PACRG: variants seen among roughly 807,000 people sequenced by gnomAD.
PACRG encodes the protein parkin coregulated gene protein.
PACRG carries 29 observed loss-of-function variants against 29.7 expected under a neutral mutation model. The ratio of observed to expected loss-of-function variants is 0.98; its 90% CI spans 0.73 to 1.33. The LOEUF is 1.33. Ranked by LOEUF, PACRG falls within the 40% of genes most tolerant of loss-of-function variation. The pLI is 0.00. For missense variants in PACRG, 279 were observed against 316.2 expected (o/e 0.88, Z 0.89); for synonymous variants, 116 against 118.7 (o/e 0.98, Z 0.15).
chr6:162,853,862 A>T lies in PACRG; in HGVS notation c.291+39581A>T, dbSNP rs1791134351. On this transcript the variant is annotated intron_variant, in intron 2 of 4. Transcript: ENST00000366888. This position sits in a 1 kb window ranked among gnomAD's most constrained non-coding sequence, Gnocchi z 4.7. Reference sequence around the variant, plus strand: ...TTGTTTGTATCTATGTATCTACCTCATAGGGTTGTCATTTATTATAAAGAT... The same window carrying T: ...TTGTTTGTATCTATGTATCTACCTCTTAGGGTTGTCATTTATTATAAAGAT... 6.6e-6 allele frequency among the ~76,000 whole-genome samples: 1 copy of T among 152,132 alleles called. No homozygotes were observed. Among genetic ancestry groups the T allele is most frequent in the Non-Finnish European group, 1.5e-5 (1 of 68,014 alleles).
chr6:162,747,371 CATATATATGTATATATATGTAT>C (rs1222325628), intron 1 of PACRG, among the ~76,000 whole-genome samples: 2 of 41,810 alleles, frequency 4.8e-5, no homozygotes, highest in East Asian at 7.0e-4. Context: ...TATACACATA[CATATATATGTATATATATGTAT>C]ATATATATGT....
chr6:162,911,371 T>C (rs1584734960), intron 2 of PACRG, among the ~76,000 whole-genome samples: 1 of 152,338 alleles, frequency 6.6e-6, no homozygotes, highest in African/African-American at 2.4e-5. Flanking sequence ...ACTCAGACTT[T>C]AGAAACTATG....
At chr6:163,138,725 A>G (rs952285977) in intron 4 of PACRG, among the ~76,000 whole-genome samples, 2 of 152,178 alleles carry the variant, frequency 1.3e-5, no homozygotes, top group African/African-American at 4.8e-5. Context: ...CCACTCTGTG[A>G]CCTGGGGGTT....
At chr6:163,087,738 T>C (rs1238060033) in intron 3 of PACRG, among the ~76,000 whole-genome samples, 1 of 148,664 alleles carries the variant, frequency 6.7e-6, no homozygotes, top group African/African-American at 2.5e-5. Context: ...AGGGTGAGGA[T>C]AGAGACTGAC....
At chr6:163,265,679 A>T (rs1042086392) in intron 4 of PACRG, among the ~76,000 whole-genome samples, 4 of 152,206 alleles carry the variant, frequency 2.6e-5, no homozygotes, top group African/African-American at 9.6e-5. Flanking sequence ...GAAATAAGCT[A>T]AATAAGAGCA....
chr6:162,941,422 A>C (rs1347199558), intron 2 of PACRG, among the ~76,000 whole-genome samples: 2 of 152,200 alleles, frequency 1.3e-5, no homozygotes, highest in African/African-American at 4.8e-5. Flanking sequence ...AAGGTCCTGC[A>C]CGCCACAAAA....
chr6:163,026,351 A>T (rs1424906099), intron 2 of PACRG, among the ~76,000 whole-genome samples: 1 of 152,184 alleles, frequency 6.6e-6, no homozygotes, highest in African/African-American at 2.4e-5. Context: ...TTTTCCCAAA[A>T]ATTATTTTGG....
intron 4 of PACRG, among the ~76,000 whole-genome samples, chr6:163,229,618 CAGTT>C (rs957623253): frequency 2.6e-5 from 4 of 152,230 alleles, no homozygotes; most frequent in East Asian, 1.9e-4. Flanking sequence ...CGTTCCCCTT[CAGTT>C]AGTTAGTCTC....
chr6:163,027,262 G>A (rs867909521), intron 2 of PACRG, among the ~76,000 whole-genome samples: 2 of 152,100 alleles, frequency 1.3e-5, no homozygotes, highest in Admixed American at 6.5e-5. Flanking sequence ...TTTGCAGAAC[G>A]TTTTTTTCCT....
chr6:163,263,163 GA>G (rs367704268), intron 4 of PACRG, among the ~76,000 whole-genome samples: 9 of 149,020 alleles, frequency 6.0e-5, no homozygotes, highest in Admixed American at 1.4e-4. Flanking sequence ...GTATCTTACA[GA>G]CCCCAGGAGG....
intron 2 of PACRG, among the ~76,000 whole-genome samples, chr6:162,947,543 A>ATCATATATATATAATCATATATATATAC (rs1200935437): frequency 1.9e-5 from 2 of 106,760 alleles, no homozygotes; most frequent in Non-Finnish European, 3.5e-5. Context: ...CTCATATATA[A>ATCATATATATATAATCATATATATATAC]TCATATATAT....
intron 1 of PACRG, among the ~76,000 whole-genome samples, chr6:162,785,535 G>C (rs1052098638): frequency 7.3e-6 from 1 of 136,622 alleles, no homozygotes; most frequent in Non-Finnish European, 1.6e-5. Flanking sequence ...CCGGGGACTG[G>C]TTTCATGGAA....
chr6:162,908,603 C>A (rs549262165), intron 2 of PACRG, among the ~76,000 whole-genome samples: 22 of 152,310 alleles, frequency 1.4e-4, no homozygotes, highest in African/African-American at 5.1e-4. Flanking sequence ...TGTCTCTGCT[C>A]TTTTCAGGTT....
intron 4 of PACRG, among the ~76,000 whole-genome samples, chr6:163,164,607 GA>G (rs1295822151): frequency 6.6e-6 from 1 of 152,202 alleles, no homozygotes; most frequent in East Asian, 1.9e-4. Flanking sequence ...CTCCAGGAAC[GA>G]TGCGGGCTGG....
chr6:162,758,278 A>C (rs1782084190), intron 1 of PACRG, among the ~76,000 whole-genome samples: 2 of 152,260 alleles, frequency 1.3e-5, no homozygotes, highest in South Asian at 4.1e-4. Context: ...TAGACTTTAC[A>C]AGCTCTAGAC....
chr6:162,865,687 G>A (rs1191869397), intron 2 of PACRG, among the ~76,000 whole-genome samples: 2 of 152,022 alleles, frequency 1.3e-5, no homozygotes, highest in Non-Finnish European at 2.9e-5. Flanking sequence ...TTCACAAAAG[G>A]CTTATCTTCT....
chr6:162,874,635 T>G (rs1479106225), intron 2 of PACRG, among the ~76,000 whole-genome samples: 6 of 152,206 alleles, frequency 3.9e-5, no homozygotes, highest in African/African-American at 1.4e-4. Flanking sequence ...ATGTGGCGAT[T>G]AGATTTTATC....
intron 2 of PACRG, among the ~76,000 whole-genome samples, chr6:162,817,474 C>T (rs942192247): frequency 6.6e-6 from 1 of 152,160 alleles, no homozygotes; most frequent in African/African-American, 2.4e-5. Context: ...TGCGTGTCAT[C>T]GTCTCTGCAG....
At chr6:163,239,825 TCTA>T (rs1158484772) in intron 4 of PACRG, among the ~76,000 whole-genome samples, 6 of 96,142 alleles carry the variant, frequency 6.2e-5, no homozygotes, top group East Asian at 2.9e-4. Context: ...CACCCCTACT[TCTA>T]CACACACTCA....
Sources: gnomAD v4.1 joint callset for allele counts (sites outside exome capture counted in the v4.1 genomes callset) on GRCh38, gnomAD v4.1.1 for gene constraint, Gnocchi (gnomAD v3.1) non-coding constraint, MANE v1.5 for transcripts, NCBI Gene and HGNC (gene_info 2026-07-23, HGNC 2026-07-21) for gene names.